The following MATN4 variants were observed in gnomAD, a reference collection of about 807,000 sequenced individuals.
The protein encoded by MATN4 is matrilin-4.
MATN4 carries 40 observed loss-of-function variants against 54.6 expected under a neutral mutation model. The observed-to-expected ratio is 0.73, with a 90% confidence interval of 0.57 to 0.95. The LOEUF (loss-of-function observed/expected upper bound fraction) is 0.95. Ranked by LOEUF, MATN4 falls within the 40% of genes least tolerant of loss-of-function variation. MATN4 has a pLI of 0.00. For synonymous variants in MATN4, 351 were observed against 345.3 expected (o/e 1.02, Z -0.18); for missense variants, 810 against 819.1 (o/e 0.99, Z 0.13).
chr20:45,295,997 C>T (rs1178803884), intron 8 of MATN4, among the ~76,000 whole-genome samples: 1 of 151,790 alleles, frequency 6.6e-6, no homozygotes, highest in African/African-American at 2.4e-5. Context: ...GGGTGGATCA[C>T]GAGGTCAGGA....
intron 3 of MATN4, among the ~76,000 whole-genome samples, chr20:45,301,651 T>C (rs912810193): frequency 1.3e-5 from 2 of 152,216 alleles, no homozygotes; most frequent in African/African-American, 4.8e-5. Flanking sequence ...CCTCCATTTT[T>C]CTATTTGCAA....
chr20:45,300,281 G>T (rs1185070831), intron 6 of MATN4, among the ~76,000 whole-genome samples: 1 of 152,160 alleles, frequency 6.6e-6, no homozygotes, highest in Non-Finnish European at 1.5e-5. Context: ...CACATCCGGG[G>T]AGGGGCAGGC....
intron 8 of MATN4, among the ~76,000 whole-genome samples, chr20:45,294,641 T>C (rs575479826): frequency 6.6e-6 from 1 of 152,340 alleles, no homozygotes; most frequent in South Asian, 2.1e-4. Flanking sequence ...CCTACCTTTT[T>C]GAAAAAGCAC....
chr20:45,298,104 C>T lies in MATN4; in HGVS notation c.1427-34G>A. ...CCGGGGTCTCAGAGGGTGCCCCAGG[C>T]CTCGGGAAAGCTGCCTCCCAGCGTC... On this transcript the variant is annotated intron_variant, in intron 7 of 9. Transcript: ENST00000372756. The surrounding 1 kb of genome is among the most constrained non-coding windows in gnomAD (Gnocchi z 4.6). The T allele has an allele frequency of 6.2e-7, 1 of 1,604,710 alleles. No individual in the cohort carries two copies. Among genetic ancestry groups the T allele is most frequent in the Non-Finnish European group, 8.5e-7 (1 of 1,173,312 alleles).
At position 45,304,339 on chromosome 20, in the gene MATN4, C is replaced by G; in HGVS notation, c.532G>C (p.Val178Leu). The change falls in exon 3 of 10, where the codon GTG becomes CTG. Residue 178 changes from valine (V) to leucine (L), a missense_variant. By Grantham distance (32) the Val-to-Leu change is conservative. Transcript: ENST00000372756. Reference sequence around the variant, plus strand: ...GATGCCATGGCGCGCAGGGAGCCCACGTCCGCGCGCTGCACCCCCACCGCG... The same window carrying G: ...GATGCCATGGCGCGCAGGGAGCCCAGGTCCGCGCGCTGCACCCCCACCGCG... ...IYAVGVQRADVGSLRAMASPP... is the reference protein window; with the variant it reads ...IYAVGVQRADLGSLRAMASPP... The G allele has an allele frequency of 6.6e-7, 1 of 1,508,874 alleles. No individual in the cohort carries two copies. The highest frequency in any genetic ancestry group is 8.9e-7 in the Non-Finnish European group (1 of 1,129,670). 93.5% of individuals were successfully genotyped at this position (1,508,874 alleles called of 1,614,324 possible). A position where few individuals can be genotyped will look rare whatever the true frequency, so the allele number is the denominator to read the frequency against.
rs60963790 is a variant in MATN4 at position 45,299,898 on chromosome 20, A to AAAAAG, written c.1012+988_1012+989insCTTTT. 6.0e-3 allele frequency among the ~76,000 whole-genome samples: 595 copies of AAAAAG among 98,712 alleles called. 66 individuals carry two copies. Among genetic ancestry groups the AAAAAG allele is most frequent in the Middle Eastern group, 0.01 (1 of 98 alleles). 64.8% of individuals were successfully genotyped at this position (98,712 alleles called of 152,430 possible). ...GTCTCAAAAAAAAAAAAAAAAAAAA[A>AAAAAG]AGTCGAAGAGGGCTTGCTTCCTGTC... On this transcript the variant is annotated intron_variant, in intron 6 of 9. Coordinates refer to ENST00000372756, the MANE Select transcript of MATN4 (RefSeq NM_001393530.1).
rs750693265 is a variant in MATN4, at chr20:45,298,395, G to T, written c.1201C>A (p.Arg401Ser). Residue 401 changes from arginine to serine, a missense_variant, in exon 7 of 10, where the codon CGC (arginine) becomes AGC (serine). Transcript: ENST00000372756. This position sits in a 1 kb window ranked among gnomAD's most constrained non-coding sequence, Gnocchi z 4.6. ...TTCACCTCGGCTGCGGTGCCGTAGCGACCCAGAGGGAACTCGGTGCGCACG... is the reference window on the plus strand; with the variant it reads ...TTCACCTCGGCTGCGGTGCCGTAGCTACCCAGAGGGAACTCGGTGCGCACG... ...SRVRTEFPLG[R>S]YGTAAEVKQA... The T allele has an allele frequency of 6.2e-7, 1 of 1,612,446 alleles. No homozygotes were observed. Among genetic ancestry groups the T allele is most frequent in the Non-Finnish European group, 8.5e-7 (1 of 1,179,260 alleles).
chr20:45,306,564 G>A (rs1014370717), intron 1 of MATN4, among the ~76,000 whole-genome samples: 2 of 152,254 alleles, frequency 1.3e-5, no homozygotes, highest in South Asian at 2.1e-4. Context: ...CCCAACCGCA[G>A]GCGGCAGGGA....
At chr20:45,306,596 GC>G (rs1025559803) in intron 1 of MATN4, among the ~76,000 whole-genome samples, 24 of 152,264 alleles carry the variant, frequency 1.6e-4, no homozygotes, top group African/African-American at 4.8e-4. Context: ...CTGTTGCGGG[GC>G]TGAGCGTGGT....
chr20:45,298,591 G>T lies in MATN4; in HGVS notation c.1013-8C>A. On this transcript the variant is annotated splice_region_variant and splice_polypyrimidine_tract_variant and intron_variant, in intron 6 of 9. Transcript: ENST00000372756. The surrounding 1 kb of genome is among the most constrained non-coding windows in gnomAD (Gnocchi z 4.6). ...CGTGGCCTTCCCGGCACCCTGCACAGCCAGAAAAGCTTGAATTGAGGGACC... is the reference window on the plus strand; with the variant it reads ...CGTGGCCTTCCCGGCACCCTGCACATCCAGAAAAGCTTGAATTGAGGGACC... The T allele has an allele frequency of 6.6e-7, 1 of 1,524,134 alleles. No homozygotes were observed. Among genetic ancestry groups the T allele is most frequent in the South Asian group, 1.3e-5 (1 of 77,122 alleles). The allele number at this position is 1,524,134 out of a possible 1,614,324, so 94.4% of individuals were successfully genotyped here.
chr20:45,303,489 C>T (rs1413454608), intron 3 of MATN4: 2 of 715,454 alleles, frequency 2.8e-6, no homozygotes, highest in East Asian at 5.4e-5. Flanking sequence ...AACCATGTCC[C>T]CCCTCAGCAC....
upstream of MATN4, chr20:45,308,432 C>G (rs1986944948): frequency 5.1e-6 from 3 of 587,252 alleles, no homozygotes; most frequent in Admixed American, 5.9e-5. Context: ...CCAGCACCCC[C>G]TGCTCCTACC....
At chr20:45,301,293 G>A (rs761639038) in intron 4 of MATN4, 28 bp downstream of exon 4, 10 of 1,613,854 alleles carry the variant, frequency 6.2e-6, no homozygotes, top group Middle Eastern at 3.3e-4. Context: ...AGTCCAGGGT[G>A]TGGTGGGAGG....
intron 2 of MATN4, among the ~76,000 whole-genome samples, chr20:45,305,028 T>C (rs1387948103): frequency 6.6e-6 from 1 of 152,126 alleles, no homozygotes; most frequent in Non-Finnish European, 1.5e-5. Flanking sequence ...GTATTACCCA[T>C]TGACGAGGGG....
At chr20:45,294,687 T>C (rs1307847459) in intron 8 of MATN4, among the ~76,000 whole-genome samples, 1 of 152,204 alleles carries the variant, frequency 6.6e-6, no homozygotes, top group Non-Finnish European at 1.5e-5. Flanking sequence ...GTAAATACTT[T>C]ACAGCAGGGG....
rs1284476752 is a variant in MATN4, at chr20:45,298,327, C to T, written c.1269G>A (p.Met423Ile). Reference protein sequence around the residue: ...LAVEYMERGTMTGLALRHMVE... With the variant: ...LAVEYMERGTITGLALRHMVE... ...CCATGTGCCGCAACGCCAGCCCTGT[C>T]ATGGTGCCGCGTTCCATGTACTCCA... Residue 423 changes from methionine (M) to isoleucine (I), a missense_variant, in exon 7 of 10, where the codon ATG becomes ATA. Coordinates refer to ENST00000372756, the MANE Select transcript of MATN4 (RefSeq NM_001393530.1). The surrounding 1 kb of genome is among the most constrained non-coding windows in gnomAD (Gnocchi z 4.6). The T allele has an allele frequency of 1.2e-6, 2 of 1,613,506 alleles. No individual in the cohort carries two copies. Among genetic ancestry groups the T allele is most frequent in the Non-Finnish European group, 1.7e-6 (2 of 1,179,912 alleles).
chr20:45,297,831 C>A, intron 8 of MATN4, 87 bp downstream of exon 8: 1 of 1,527,380 alleles, frequency 6.5e-7, no homozygotes, highest in South Asian at 1.2e-5. Context: ...GCTATAACTA[C>A]AAAGTGGGCA....
chr20:45,300,866 ACCCTCCCG>A lies in MATN4; in HGVS notation c.1012+13_1012+20del. 6.2e-7 allele frequency: 1 copy of A among 1,610,794 alleles called. No homozygotes were observed. The highest frequency in any genetic ancestry group is 8.5e-7 in the Non-Finnish European group (1 of 1,179,906). On this transcript the variant is annotated intron_variant, in intron 6 of 9. Coordinates refer to ENST00000372756, the MANE Select transcript of MATN4 (RefSeq NM_001393530.1). ...GCAATGGGGCAGAAGCCAACAGAAC[ACCCTCCCG>A]CCCATCACTCACGGTTGCAGCTCTT...
chr20:45,297,571 CA>C (rs1985922837), intron 8 of MATN4, among the ~76,000 whole-genome samples: 2 of 152,068 alleles, frequency 1.3e-5, no homozygotes, highest in Admixed American at 6.5e-5. Context: ...GGTGTGCCTT[CA>C]AAAAAATTTC....
Sources: allele counts gnomAD v4.1 joint callset (sites outside exome capture counted in the v4.1 genomes callset), GRCh38; gene constraint gnomAD v4.1.1; non-coding constraint Gnocchi (gnomAD v3.1); transcripts MANE v1.5; gene names NCBI Gene and HGNC (gene_info 2026-07-23, HGNC 2026-07-21).